The following NRXN1 variants were observed in gnomAD, a reference collection of about 807,000 sequenced individuals.
NRXN1 encodes the protein neurexin-1.
Under a neutral mutation model 150.9 loss-of-function variants are expected in NRXN1, and 39 were observed. That is an observed-to-expected ratio of 0.26 (90% confidence interval 0.20 to 0.34). NRXN1 has a LOEUF of 0.34. Ranked by LOEUF, NRXN1 falls within the 10% of genes least tolerant of loss-of-function variation. The pLI is 1.00. For missense variants in NRXN1, 1,815 were observed against 1,949.9 expected, an observed-to-expected ratio of 0.93 and a Z score of 1.30; for synonymous variants, 924 against 757.0, an observed-to-expected ratio of 1.22 and a Z score of -3.62.
chr2:50,734,894 A>C (rs1331338853), intron 5 of NRXN1, among the ~76,000 whole-genome samples: 1 of 152,174 alleles, frequency 6.6e-6, no homozygotes, highest in Non-Finnish European at 1.5e-5. Context: ...CAACATATCC[A>C]AATGTCAACG....
intron 5 of NRXN1, among the ~76,000 whole-genome samples, chr2:50,741,972 T>C (rs1281037415): frequency 6.6e-6 from 1 of 152,122 alleles, no homozygotes; most frequent in Non-Finnish European, 1.5e-5. Flanking sequence ...TCAAACAATA[T>C]TCGCTTTAAT....
At chr2:50,792,967 A>G (rs982874230) in intron 5 of NRXN1, among the ~76,000 whole-genome samples, 1 of 152,066 alleles carries the variant, frequency 6.6e-6, no homozygotes. Flanking sequence ...TACAGTATCC[A>G]TTTCACATTA....
intron 2 of NRXN1, among the ~76,000 whole-genome samples, chr2:50,933,883 G>A (rs1195456202): frequency 6.6e-6 from 1 of 152,064 alleles, no homozygotes; most frequent in African/African-American, 2.4e-5. Context: ...ATTCAGAGAA[G>A]TTCACTTTAC....
intron 8 of NRXN1, among the ~76,000 whole-genome samples, chr2:50,574,389 G>A (rs1195578404): frequency 1.3e-5 from 2 of 151,966 alleles, no homozygotes; most frequent in South Asian, 2.1e-4. Context: ...AAAAGCTTCC[G>A]TCTTCAAGGA....
chr2:50,472,624 A>G (rs2089609669), intron 15 of NRXN1, among the ~76,000 whole-genome samples, 153 bp from the exon 16 acceptor site: 1 of 149,360 alleles, frequency 6.7e-6, no homozygotes, highest in South Asian at 2.1e-4. Flanking sequence ...GCTAAACAAT[A>G]GAGACGTTTG....
intron 2 of NRXN1, among the ~76,000 whole-genome samples, chr2:51,005,002 T>C (rs542125899): frequency 1.4e-4 from 22 of 152,134 alleles, no homozygotes; most frequent in African/African-American, 5.3e-4. Context: ...TATATCTACA[T>C]ACATATCTAC....
intron 2 of NRXN1, among the ~76,000 whole-genome samples, chr2:50,991,411 T>C (rs1300860584): frequency 1.3e-5 from 2 of 152,120 alleles, no homozygotes; most frequent in East Asian, 1.9e-4. Flanking sequence ...CTTGTGATGA[T>C]GGAGAGCTGG....
At chr2:50,064,537 A>C (rs187569958) in intron 19 of NRXN1, among the ~76,000 whole-genome samples, 1 of 152,160 alleles carries the variant, frequency 6.6e-6, no homozygotes, top group African/African-American at 2.4e-5. Flanking sequence ...TGTGTACAAG[A>C]AACAGTCTTG....
intron 19 of NRXN1, among the ~76,000 whole-genome samples, chr2:50,072,682 ATTG>A (rs1696477045): frequency 6.6e-6 from 1 of 151,978 alleles, no homozygotes; most frequent in Admixed American, 6.6e-5. Context: ...AATGTCTTAC[ATTG>A]TTGTGCTTTT....
At chr2:50,084,363 C>G (rs1698467611) in intron 19 of NRXN1, among the ~76,000 whole-genome samples, 1 of 152,162 alleles carries the variant, frequency 6.6e-6, no homozygotes, top group African/African-American at 2.4e-5. Flanking sequence ...CGCAGGGAGG[C>G]AGCTAAAGCC....
intron 18 of NRXN1, among the ~76,000 whole-genome samples, chr2:50,098,036 T>G (rs1700473593): frequency 1.3e-5 from 2 of 152,078 alleles, no homozygotes; most frequent in African/African-American, 2.4e-5. Flanking sequence ...AGAAGTGGTT[T>G]TAATCTAGTT....
In NRXN1 at chr2:50,347,215, C is replaced by A. The variant is rs1201301177; in HGVS notation, c.3365-110245G>T. The stretch of plus-strand genomic sequence containing the variant: ...TCCGGAAAGGCAGCCCCGGGAACAG[C>A]AAGCGCGGAGCGGGTGGCTGCTCCC... On this transcript the variant is annotated intron_variant, in intron 17 of 22. Coordinates refer to ENST00000401669, the MANE Select transcript of NRXN1 (RefSeq NM_001330078.2). This position sits in a 1 kb window ranked among gnomAD's most constrained non-coding sequence, Gnocchi z 4.9. 8 of 1,340,054 alleles carry A rather than the reference C, an allele frequency of 6.0e-6. No homozygotes were observed. Among genetic ancestry groups the A allele is most frequent in the Non-Finnish European group, 7.8e-6 (8 of 1,023,092 alleles). 83.0% of individuals were successfully genotyped at this position (1,340,054 alleles called of 1,614,324 possible). A position where few individuals can be genotyped will look rare whatever the true frequency, so the allele number is the denominator to read the frequency against.
intron 18 of NRXN1, among the ~76,000 whole-genome samples, chr2:50,158,066 T>A (rs899862985): frequency 5.5e-5 from 2 of 36,044 alleles, no homozygotes; most frequent in African/African-American, 3.0e-4. Flanking sequence ...AGAAGTTGAG[T>A]GTGTGTGTGT....
At chr2:50,476,551 G>A (rs2090004018) in intron 15 of NRXN1, among the ~76,000 whole-genome samples, 1 of 24,820 alleles carries the variant, frequency 4.0e-5, no homozygotes, top group African/African-American at 6.3e-4. Flanking sequence ...CATTGATACT[G>A]GTATGGCTGT....
chr2:50,706,903 C>T (rs749204552), intron 5 of NRXN1, among the ~76,000 whole-genome samples: 1 of 151,524 alleles, frequency 6.6e-6, no homozygotes, highest in African/African-American at 2.4e-5. Context: ...TAACATAAAG[C>T]CTTCTAGTTT....
intron 5 of NRXN1, among the ~76,000 whole-genome samples, chr2:50,634,015 G>A (rs1047377508): frequency 2.0e-5 from 3 of 152,136 alleles, no homozygotes; most frequent in African/African-American, 7.2e-5. Context: ...AGAAAGAATA[G>A]GAAAAAATCC....
At chr2:50,765,250 T>C (rs1191739495) in intron 5 of NRXN1, among the ~76,000 whole-genome samples, 2 of 151,976 alleles carry the variant, frequency 1.3e-5, no homozygotes, top group African/African-American at 4.8e-5. Context: ...CAAACCCTAA[T>C]TGTTCACTTC....
At chr2:50,422,048 A>G (rs2084040251) in intron 17 of NRXN1, among the ~76,000 whole-genome samples, 1 of 152,170 alleles carries the variant, frequency 6.6e-6, no homozygotes, top group African/African-American at 2.4e-5. Flanking sequence ...CTGACCTAAC[A>G]TTCTCAAAGG....
At chr2:50,578,709 T>C (rs1042182773) in intron 8 of NRXN1, among the ~76,000 whole-genome samples, 1 of 152,086 alleles carries the variant, frequency 6.6e-6, no homozygotes, top group African/African-American at 2.4e-5. Context: ...TATGTTATAA[T>C]AAATTAAAAA....
Sources: gnomAD v4.1 joint callset for allele counts (sites outside exome capture counted in the v4.1 genomes callset) on GRCh38, gnomAD v4.1.1 for gene constraint, Gnocchi (gnomAD v3.1) non-coding constraint, MANE v1.5 for transcripts, NCBI Gene and HGNC (gene_info 2026-07-23, HGNC 2026-07-21) for gene names.